The following RTN1 variants were observed in gnomAD, a reference collection of about 807,000 sequenced individuals.
The protein encoded by RTN1 is reticulon-1.
A neutral mutation model predicts 65.5 loss-of-function variants in RTN1; 25 were observed. The observed-to-expected ratio is 0.38, with a 90% CI of 0.28 to 0.53. RTN1 has a LOEUF of 0.53. RTN1 is among the 20% of genes least tolerant of loss of function. The pLI, the probability that RTN1 is intolerant of heterozygous loss-of-function variation, is 0.79. For missense variants in RTN1, 983 were observed against 1,025.4 expected, an observed-to-expected ratio of 0.96 and a Z score of 0.57; for synonymous variants, 471 against 447.6, an observed-to-expected ratio of 1.05 and a Z score of -0.66.
At chr14:59,633,385 C>T (rs568146304) in intron 3 of RTN1, among the ~76,000 whole-genome samples, 1 of 152,336 alleles carries the variant, frequency 6.6e-6, no homozygotes, top group East Asian at 1.9e-4. Context: ...TGGCCTTCAG[C>T]AAGTCATTTA....
chr14:59,703,204 C>T lies in RTN1; in HGVS notation c.1765+23715G>A, dbSNP rs921420880. The stretch of plus-strand genomic sequence containing the variant: ...ACTTTCTAGCATACTATATAATTTG[C>T]ATATATATTATATGATATCGTTTGG... On this transcript the variant is annotated intron_variant, in intron 3 of 8. Transcript: ENST00000267484. Among the ~76,000 whole-genome samples the T allele has an allele frequency of 6.6e-5, 10 of 152,214 alleles. No individual in the cohort carries two copies. In the South Asian group the frequency reaches 1.2e-3, roughly 19 times the overall value.
intron 3 of RTN1, among the ~76,000 whole-genome samples, chr14:59,668,706 T>C (rs1251911813): frequency 1.3e-5 from 2 of 152,216 alleles, no homozygotes; most frequent in African/African-American, 4.8e-5. Flanking sequence ...TCTACCCATC[T>C]GACAAAGGGC....
Position 59,708,439 on chromosome 14 carries a change from A to G in RTN1, c.1765+18480T>C, listed in dbSNP as rs117505942. On this transcript the variant is annotated intron_variant, in intron 3 of 8. Coordinates refer to ENST00000267484, the MANE Select transcript of RTN1 (RefSeq NM_021136.3). The stretch of plus-strand genomic sequence containing the variant: ...AGGTGTAAACACACAGCTTGTTCCA[A>G]TTGCTTCAGTGTTAGACAGCGTGGC... Among the ~76,000 whole-genome samples the G allele has an allele frequency of 3.0e-3, 464 of 152,330 alleles. 2 individuals carry two copies. Among genetic ancestry groups the G allele is most frequent in the Non-Finnish European group, 5.6e-3 (381 of 68,028 alleles).
intron 1 of RTN1, among the ~76,000 whole-genome samples, chr14:59,777,366 G>C (rs867363046): frequency 2.6e-5 from 4 of 152,214 alleles, no homozygotes; most frequent in Middle Eastern, 3.4e-3. Context: ...CCCAATAATA[G>C]TTACTCATCA....
chr14:59,749,571 A>C (rs1325500166), intron 1 of RTN1, among the ~76,000 whole-genome samples: 1 of 49,936 alleles, frequency 2.0e-5, no homozygotes, highest in Admixed American at 3.6e-4. Flanking sequence ...ATATATAGAT[A>C]TATATATATA....
intron 3 of RTN1, among the ~76,000 whole-genome samples, chr14:59,696,078 G>A (rs906810129): frequency 4.6e-5 from 7 of 152,102 alleles, no homozygotes; most frequent in Non-Finnish European, 1.0e-4. Flanking sequence ...TTTAGCAGGT[G>A]ACTTTGTTGA....
intron 1 of RTN1, among the ~76,000 whole-genome samples, chr14:59,861,655 T>G (rs1035031854): frequency 2.6e-5 from 4 of 152,288 alleles, no homozygotes; most frequent in African/African-American, 9.6e-5. Context: ...CAGTTCTAAT[T>G]ATTAGAACAT....
chr14:59,816,557 C>A lies in RTN1; in HGVS notation c.241+53833G>T, dbSNP rs1886825061. 6.6e-6 allele frequency among the ~76,000 whole-genome samples: 1 copy of A among 152,084 alleles called. No homozygotes were observed. The highest frequency in any genetic ancestry group is 1.5e-5 in the Non-Finnish European group (1 of 68,018). ...GAGTTTTGAGATGGAGGATTCAAAC[C>A]AGGAAATCAGGCTGTGATCAACATC... On this transcript the variant is annotated intron_variant, in intron 1 of 8. Transcript: ENST00000267484. This position sits in a 1 kb window ranked among gnomAD's most constrained non-coding sequence, Gnocchi z 4.3.
chr14:59,746,209 G>A lies in RTN1; in HGVS notation c.514C>T (p.Pro172Ser). 4.3e-6 allele frequency: 7 copies of A among 1,612,374 alleles called. No individual in the cohort carries two copies. The highest frequency in any genetic ancestry group is 1.7e-5 in the Admixed American group (1 of 59,754). Residue 172 changes from proline to serine, a missense_variant, in exon 2 of 9, where the codon CCT becomes TCT. Around this residue, in one of 2 missense-constraint regions of RTN1, gnomAD observed 818 missense variants for 801.8 expected, o/e 1.02. Coordinates refer to ENST00000267484, the MANE Select transcript of RTN1 (RefSeq NM_021136.3). ...FSSDSGIEMT[P>S]AESTEVNKIL... The stretch of plus-strand genomic sequence containing the variant: ...TTGTTCACTTCCGTGGACTCTGCAG[G>A]AGTCATCTCTATTCCAGAATCAGAA...
chr14:59,845,793 C>T lies in RTN1; in HGVS notation c.241+24597G>A, dbSNP rs189741669. 7.9e-5 allele frequency among the ~76,000 whole-genome samples: 12 copies of T among 152,220 alleles called. No homozygotes were observed. In the East Asian group the frequency reaches 2.1e-3, roughly 27 times the overall value. ...CCTTTGGACCCACTGAACCCTTTCC[C>T]TAGAAGAATCTCCCAAACCCCTACC... On this transcript the variant is annotated intron_variant, in intron 1 of 8. Coordinates refer to ENST00000267484, the MANE Select transcript of RTN1 (RefSeq NM_021136.3).
In RTN1 at chr14:59,868,985, C is replaced by G. The variant is rs1410492943; in HGVS notation, c.241+1405G>C. Among the ~76,000 whole-genome samples, 1 of 152,146 alleles carries G rather than the reference C, an allele frequency of 6.6e-6. No homozygotes were observed. Among genetic ancestry groups the G allele is most frequent in the Non-Finnish European group, 1.5e-5 (1 of 68,016 alleles). Reference sequence around the variant, plus strand: ...CCATTCTTAGATTTAAATCCTCCCCCACTCCTAGGGATATAATAATTAATA... The same window carrying G: ...CCATTCTTAGATTTAAATCCTCCCCGACTCCTAGGGATATAATAATTAATA... On this transcript the variant is annotated intron_variant, in intron 1 of 8. Coordinates refer to ENST00000267484, the MANE Select transcript of RTN1 (RefSeq NM_021136.3). This position sits in a 1 kb window ranked among gnomAD's most constrained non-coding sequence, Gnocchi z 4.0.
At chr14:59,677,561 G>C (rs1207768814) in intron 3 of RTN1, among the ~76,000 whole-genome samples, 1 of 152,150 alleles carries the variant, frequency 6.6e-6, no homozygotes, top group Non-Finnish European at 1.5e-5. Flanking sequence ...AAAGGAAACA[G>C]AACAAACAAA....
intron 3 of RTN1, among the ~76,000 whole-genome samples, chr14:59,668,704 T>C (rs1056474916): frequency 6.6e-6 from 1 of 152,090 alleles, no homozygotes; most frequent in Non-Finnish European, 1.5e-5. Context: ...AATCTACCCA[T>C]CTGACAAAGG....
intron 3 of RTN1, among the ~76,000 whole-genome samples, chr14:59,657,847 GA>G (rs1883155309): frequency 8.2e-6 from 1 of 121,808 alleles, no homozygotes; most frequent in Non-Finnish European, 1.7e-5. Context: ...CTAGCTGCAG[GA>G]GTTTTTTTTC....
intron 3 of RTN1, among the ~76,000 whole-genome samples, chr14:59,705,165 T>A (rs1018901262): frequency 6.6e-6 from 1 of 152,172 alleles, no homozygotes; most frequent in Non-Finnish European, 1.5e-5. Context: ...TTTGCTTCCA[T>A]GCAGGCTGCC....
intron 3 of RTN1, among the ~76,000 whole-genome samples, chr14:59,721,232 G>T (rs1483976719): frequency 6.6e-6 from 1 of 152,198 alleles, no homozygotes; most frequent in African/African-American, 2.4e-5. Context: ...CCTGCCACAA[G>T]GGGCTGAGCC....
intron 1 of RTN1, among the ~76,000 whole-genome samples, chr14:59,810,081 A>G (rs1011928340): frequency 2.6e-5 from 4 of 152,174 alleles, no homozygotes; most frequent in African/African-American, 9.7e-5. Flanking sequence ...GTCTCTTGCA[A>G]TTCCATATAT....
Position 59,849,970 on chromosome 14 carries a change from T to C in RTN1, c.241+20420A>G, listed in dbSNP as rs146547598. The stretch of plus-strand genomic sequence containing the variant: ...CCTCCACTTCCTCTTCCTTTTTGTC[T>C]ATTTGTGTCCATTCCAGGGGCCAAG... On this transcript the variant is annotated intron_variant, in intron 1 of 8. Coordinates refer to ENST00000267484, the MANE Select transcript of RTN1 (RefSeq NM_021136.3). The surrounding 1 kb of genome is among the most constrained non-coding windows in gnomAD (Gnocchi z 4.5). Among the ~76,000 whole-genome samples, 1,785 of 152,302 alleles carry C rather than the reference T, an allele frequency of 0.012. 14 individuals carry two copies. The highest frequency in any genetic ancestry group is 0.048 in the Middle Eastern group (14 of 294).
At chr14:59,777,686 A>G (rs1222701660) in intron 1 of RTN1, among the ~76,000 whole-genome samples, 1 of 151,992 alleles carries the variant, frequency 6.6e-6, no homozygotes, top group East Asian at 1.9e-4. Context: ...TCTTGGGGAA[A>G]GTGTGGATGT....
Sources: gnomAD v4.1 joint callset for allele counts (sites outside exome capture counted in the v4.1 genomes callset) on GRCh38, gnomAD v4.1.1 for gene constraint, gnomAD v4.1.1 regional missense constraint, Gnocchi (gnomAD v3.1) non-coding constraint, MANE v1.5 for transcripts, NCBI Gene and HGNC (gene_info 2026-07-23, HGNC 2026-07-21) for gene names.